Variants in MARF1 observed in about 807,000 individuals in gnomAD.
MARF1 encodes limkain-b1.
In MARF1, 24 loss-of-function variants were observed where a neutral mutation model predicts 168.2. The observed-to-expected ratio is 0.14, with a 90% CI of 0.10 to 0.20. MARF1 has a LOEUF of 0.20. MARF1 is among the 10% of genes least tolerant of loss of function. MARF1 has a pLI of 1.00. For synonymous variants in MARF1, 868 were observed against 822.4 expected, an observed-to-expected ratio of 1.06 and a Z score of -0.95; for missense variants, 1,744 against 2,143.6, an observed-to-expected ratio of 0.81 and a Z score of 3.68.
chr16:15,605,044 C>CA (rs537717707), intron 21 of MARF1, among the ~76,000 whole-genome samples: 1 of 152,174 alleles, frequency 6.6e-6, no homozygotes, highest in South Asian at 2.1e-4. Context: ...GGAAACCTTA[C>CA]AAAAAAGACA....
At chr16:15,632,673 T>A (rs759771582) in intron 5 of MARF1, among the ~76,000 whole-genome samples, 2 of 152,240 alleles carry the variant, frequency 1.3e-5, no homozygotes, top group African/African-American at 2.4e-5. Context: ...TTTGAGAAAG[T>A]TGCCTCAGGC....
chr16:15,634,610 A>T, intron 4 of MARF1, 147 bp downstream of exon 4: 1 of 705,594 alleles, frequency 1.4e-6, no homozygotes, highest in Non-Finnish European at 2.2e-6. Context: ...TAATAAAAAG[A>T]TTTCTACCAA....
At position 15,596,698 on chromosome 16, in the gene MARF1, G is replaced by C; in HGVS notation, c.5224C>G (p.Leu1742Val). The C allele has an allele frequency of 6.3e-7, 1 of 1,584,690 alleles. No individual in the cohort carries two copies. The highest frequency in any genetic ancestry group is 8.6e-7 in the Non-Finnish European group (1 of 1,159,752). Residue 1742 changes from leucine to valine, a missense_variant, in exon 27 of 27, where the codon CTT (leucine) becomes GTT (valine). This residue lies in a region of MARF1 where 313 missense variants were observed against 337.4 expected (regional missense o/e 0.93). Coordinates refer to ENST00000396368, the MANE Select transcript of MARF1 (RefSeq NM_014647.4). ...ANFSLAPITK[L>V] is the part of the protein sequence containing the mutation. ...TTCTATATTCCAAATGGGAGTTAAA[G>C]CTTGGTTATAGGTGCTAAGGAAAAG...
At chr16:15,601,112 A>G (rs2032377576) in intron 23 of MARF1, 2 of 466,360 alleles carry the variant, frequency 4.3e-6, no homozygotes, top group Admixed American at 2.3e-5. Context: ...TCAGCATCTT[A>G]AAGTCCTCTC....
chr16:15,601,414 C>G (rs2032411414), intron 23 of MARF1: 1 of 243,098 alleles, frequency 4.1e-6, no homozygotes, highest in African/African-American at 2.2e-5. Flanking sequence ...TTTTCAAATG[C>G]AAACCTGGGC....
chr16:15,619,892 A>G (rs897781132), intron 13 of MARF1, among the ~76,000 whole-genome samples: 3 of 152,204 alleles, frequency 2.0e-5, no homozygotes, highest in East Asian at 1.9e-4. Flanking sequence ...GGCCAGGCGC[A>G]GTGGCTCACA....
At chr16:15,633,878 T>C in intron 4 of MARF1, 35 bp from the exon 5 acceptor site, 3 of 1,516,192 alleles carry the variant, frequency 2.0e-6, no homozygotes, top group Non-Finnish European at 2.7e-6. Flanking sequence ...TTACTTGTAG[T>C]GGAAAATAAA....
Position 15,625,148 on chromosome 16 carries a change from G to A in MARF1, c.1979C>T (p.Thr660Ile). The change falls in exon 9 of 27, where the codon ACT (threonine) becomes ATT (isoleucine). Residue 660 changes from threonine to isoleucine, a missense_variant. This residue lies in a region of MARF1 where 270 missense variants were observed against 260.6 expected (regional missense o/e 1.04). Coordinates refer to ENST00000396368, the MANE Select transcript of MARF1 (RefSeq NM_014647.4). ...LQELCRMESKTGHRNSEHQQG... is the reference protein window; with the variant it reads ...LQELCRMESKIGHRNSEHQQG... ...CTGGTGCTCACTGTTTCTATGACCA[G>A]TTTTTGACTCCATGCGGCACAGCTC... 6.2e-7 allele frequency: 1 copy of A among 1,614,124 alleles called. No individual in the cohort carries two copies.
At chr16:15,637,038 A>C (rs1475184438) in intron 2 of MARF1, among the ~76,000 whole-genome samples, 1 of 152,234 alleles carries the variant, frequency 6.6e-6, no homozygotes, top group South Asian at 2.1e-4. Flanking sequence ...ACAGGAAGCC[A>C]GTATATTACA....
At chr16:15,632,980 G>A (rs970323715) in intron 5 of MARF1, among the ~76,000 whole-genome samples, 1 of 151,514 alleles carries the variant, frequency 6.6e-6, no homozygotes, top group African/African-American at 2.4e-5. Flanking sequence ...GAAAATCAAA[G>A]GAAATAATAC....
intron 18 of MARF1, 58 bp from the exon 19 acceptor site, chr16:15,611,166 A>G (rs2033502221): frequency 1.1e-5 from 17 of 1,573,414 alleles, no homozygotes; most frequent in Middle Eastern, 1.7e-4. Flanking sequence ...TAGAAGAACT[A>G]CAAGTTTTCC....
At chr16:15,607,787 C>T (rs1280500897) in intron 21 of MARF1, among the ~76,000 whole-genome samples, 1 of 152,188 alleles carries the variant, frequency 6.6e-6, no homozygotes, top group South Asian at 2.1e-4. Flanking sequence ...CAGTCCAGGA[C>T]AGCAAACAGC....
chr16:15,611,135 C>G, intron 18 of MARF1, 27 bp from the exon 19 acceptor site: 1 of 1,609,622 alleles, frequency 6.2e-7, no homozygotes, highest in Non-Finnish European at 8.5e-7. Context: ...GAAGTGGATA[C>G]GGAATGAGTA....
chr16:15,598,658 C>T (rs1476464925), intron 26 of MARF1, among the ~76,000 whole-genome samples, 196 bp downstream of exon 26: 2 of 151,866 alleles, frequency 1.3e-5, no homozygotes, highest in Non-Finnish European at 2.9e-5. Flanking sequence ...GCCTGATGCT[C>T]GCCAGGCAAC....
In MARF1 at chr16:15,602,016, T is replaced by C. The variant is rs754856046; in HGVS notation, c.4601A>G (p.Glu1534Gly). ...CTGTGGAATTGCTCCCAAGAGCTCC[T>C]CCACGCTGCTGTGGCCGTAGGTCTT... is the stretch of plus-strand genomic sequence containing the variant. The part of the protein sequence containing the change: ...QPKTYGHSSV[E>G]ELLGAIPQVV... The change falls in exon 23 of 27, where the codon GAG (glutamate) becomes GGG (glycine). Residue 1534 changes from glutamate to glycine, a missense_variant. Glu to Gly is a moderately conservative substitution (Grantham distance 98, BLOSUM62 -2). This residue lies in a region of MARF1 where 313 missense variants were observed against 337.4 expected (regional missense o/e 0.93). Coordinates refer to ENST00000396368, the MANE Select transcript of MARF1 (RefSeq NM_014647.4). The C allele has an allele frequency of 6.2e-7, 1 of 1,614,044 alleles. No homozygotes were observed. Among genetic ancestry groups the C allele is most frequent in the South Asian group, 1.1e-5 (1 of 91,084 alleles).
chr16:15,615,561 G>A (rs1470513308), intron 16 of MARF1, among the ~76,000 whole-genome samples: 1 of 152,098 alleles, frequency 6.6e-6, no homozygotes, highest in Non-Finnish European at 1.5e-5. Context: ...GGAGGCAGAG[G>A]TTGCAGTGAG....
intron 2 of MARF1, among the ~76,000 whole-genome samples, chr16:15,638,874 T>C (rs1475867572): frequency 6.6e-6 from 1 of 152,230 alleles, no homozygotes; most frequent in Non-Finnish European, 1.5e-5. Flanking sequence ...ACATTAAATA[T>C]TCAAGGCATC....
intron 2 of MARF1, among the ~76,000 whole-genome samples, chr16:15,638,598 G>T (rs201340824): frequency 6.7e-6 from 1 of 150,268 alleles, no homozygotes; most frequent in Admixed American, 6.6e-5. Context: ...AAAAAAAAAA[G>T]AAAATGTCAA....
At position 15,630,610 on chromosome 16, in the gene MARF1, A is replaced by G. The variant is rs935393986; in HGVS notation, c.1352-106T>C. On this transcript the variant is annotated intron_variant, in intron 6 of 26. Coordinates refer to ENST00000396368, the MANE Select transcript of MARF1 (RefSeq NM_014647.4). The stretch of plus-strand genomic sequence containing the variant: ...CTGAGAAGAAAGGAAAGGCTGGACT[A>G]TATTCAAAATTGCTTCCCCCGTTTC... The G allele has an allele frequency of 5.0e-6, 5 of 993,888 alleles. No individual in the cohort carries two copies. In the Admixed American group the frequency reaches 1.4e-4, roughly 27 times the overall value. 61.6% of individuals were successfully genotyped at this position (993,888 alleles called of 1,614,324 possible).
Sources: allele counts gnomAD v4.1 joint callset (sites outside exome capture counted in the v4.1 genomes callset), GRCh38; gene constraint gnomAD v4.1.1; regional missense constraint gnomAD v4.1.1; transcripts MANE v1.5; gene names NCBI Gene and HGNC (gene_info 2026-07-23, HGNC 2026-07-21).